NUP93: variants seen among roughly 807,000 people sequenced by gnomAD.
NUP93 encodes the protein nuclear pore complex protein Nup93.
Under a neutral mutation model 107.8 loss-of-function variants are expected in NUP93, and 55 were observed. The observed-to-expected ratio is 0.51, with a 90% CI of 0.41 to 0.64. The LOEUF (loss-of-function observed/expected upper bound fraction) is 0.64, where lower values mean the gene tolerates loss of function less well. NUP93 is among the 30% of genes least tolerant of loss of function. The pLI is 0.00. For synonymous variants in NUP93, 390 were observed against 397.5 expected (o/e 0.98, Z 0.22); for missense variants, 937 against 1,044.7 (o/e 0.90, Z 1.42).
chr16:56,792,335 G>GA (rs75472200), intron 3 of NUP93, among the ~76,000 whole-genome samples: 3,404 of 152,292 alleles, frequency 0.022, 70 homozygotes, highest in East Asian at 0.076. Flanking sequence ...GTATGGGGGG[G>GA]AGGAATAAAT....
chr16:56,813,469 C>G (rs573407139), intron 5 of NUP93, among the ~76,000 whole-genome samples: 1 of 152,312 alleles, frequency 6.6e-6, no homozygotes, highest in South Asian at 2.1e-4. Flanking sequence ...ACCCAGTTCA[C>G]CTGTTAGGGG....
At chr16:56,807,488 GT>G (rs1321793336) in intron 5 of NUP93, among the ~76,000 whole-genome samples, 1 of 152,138 alleles carries the variant, frequency 6.6e-6, no homozygotes, top group South Asian at 2.1e-4. Context: ...AAGGATCTTT[GT>G]TTTGTTTATT....
intron 5 of NUP93, among the ~76,000 whole-genome samples, chr16:56,806,440 C>T (rs763986318): frequency 1.6e-4 from 25 of 152,024 alleles, no homozygotes; most frequent in Admixed American, 1.3e-3. Context: ...ACAGATTACT[C>T]CAAACCTTGT....
In NUP93 at chr16:56,831,976, C is replaced by T. The variant is rs755863852; in HGVS notation, c.1220C>T (p.Ala407Val). The change falls in exon 11 of 22, where the codon GCG (alanine) becomes GTG (valine). Residue 407 changes from alanine (A) to valine (V), a missense_variant. Ala to Val is a moderately conservative substitution (Grantham distance 64). Transcript: ENST00000308159. ...CDVTDNQSEV[A>V]DKTEDYLWLK... ...GTCACCGACAACCAGAGTGAAGTGG[C>T]GGACAAAACTGAGGATTACCTGTGG... 21 of 1,613,964 alleles carry T rather than the reference C, an allele frequency of 1.3e-5. No individual in the cohort carries two copies. Among genetic ancestry groups the T allele is most frequent in the Admixed American group, 6.7e-5 (4 of 60,002 alleles).
chr16:56,796,392 G>T (rs1306449609), intron 3 of NUP93, among the ~76,000 whole-genome samples: 2 of 152,190 alleles, frequency 1.3e-5, no homozygotes, highest in Non-Finnish European at 2.9e-5. Flanking sequence ...ACCATATGCA[G>T]CTTGGTGTAG....
At position 56,834,153 on chromosome 16, in the gene NUP93, T is replaced by A. The variant is rs367932958; in HGVS notation, c.1563T>A (p.Pro521=). Residue 521 remains proline, a synonymous_variant, in exon 14 of 22, where the codon CCT becomes CCA. Transcript: ENST00000308159. ...TCAGCCACGAGCCTGGTGACCCTCC[T>A]TGCTTGCGGCGGCTGAACTTCGTGC... ...QLLSHEPGDP[P]CLRRLNFVRL... is the part of the protein sequence containing the mutation. 1.4e-5 allele frequency: 22 copies of A among 1,614,034 alleles called. No individual in the cohort carries two copies. The highest frequency in any genetic ancestry group is 1.8e-5 in the Non-Finnish European group (21 of 1,180,034).
In NUP93 at chr16:56,792,832, AT is replaced by A. The variant is rs201940657; in HGVS notation, c.298-5635del. 2.0e-4 allele frequency among the ~76,000 whole-genome samples: 31 copies of A among 152,078 alleles called. No homozygotes were observed. The East Asian group carries it at 5.0e-3, about 25-fold the overall frequency. ...GGGTTCCATCCTTTTAGAGAGAGAA[AT>A]TTTTTTTTATTTTTGCTGTTTAGAG... On this transcript the variant is annotated intron_variant, in intron 3 of 21. Coordinates refer to ENST00000308159, the MANE Select transcript of NUP93 (RefSeq NM_014669.5).
chr16:56,834,330 A>T, intron 14 of NUP93, 40 bp from the exon 15 acceptor site: 2 of 1,614,062 alleles, frequency 1.2e-6, no homozygotes, highest in Non-Finnish European at 1.7e-6. Flanking sequence ...TAGAGACCTC[A>T]TGTCCAGACT....
In NUP93 at chr16:56,808,153, T is replaced by TATATTTATATAACTATATAA. The variant is rs1567398272; in HGVS notation, c.489+2522_489+2523insTATTTATATAACTATATAAA. 5.6e-3 allele frequency among the ~76,000 whole-genome samples: 361 copies of TATATTTATATAACTATATAA among 64,074 alleles called. 27 individuals are homozygous for TATATTTATATAACTATATAA. Among genetic ancestry groups the TATATTTATATAACTATATAA allele is most frequent in the African/African-American group, 0.021 (340 of 16,268 alleles). 42.0% of individuals were successfully genotyped at this position (64,074 alleles called of 152,430 possible). On this transcript the variant is annotated intron_variant, in intron 5 of 21. Transcript: ENST00000308159. ...ATAAATATATTTATATAACTATATA[T>TATATTTATATAACTATATAA]AATATATAGTTATATAACTATATAA... is the stretch of plus-strand genomic sequence containing the variant.
At chr16:56,736,930 C>T (rs1169871871) in intron 1 of NUP93, among the ~76,000 whole-genome samples, 1 of 152,212 alleles carries the variant, frequency 6.6e-6, no homozygotes, top group African/African-American at 2.4e-5. Flanking sequence ...AGAAAAGTCT[C>T]CCAACTCTCA....
chr16:56,803,605 A>G (rs1403198917), intron 4 of NUP93, among the ~76,000 whole-genome samples: 1 of 152,120 alleles, frequency 6.6e-6, no homozygotes, highest in African/African-American at 2.4e-5. Context: ...ATCTAATTTC[A>G]GAGCTTTTAT....
intron 8 of NUP93, among the ~76,000 whole-genome samples, chr16:56,825,912 C>G (rs920644212): frequency 3.3e-5 from 5 of 152,152 alleles, no homozygotes; most frequent in Non-Finnish European, 5.9e-5. Flanking sequence ...GATTCACTGA[C>G]AGTATGCATA....
chr16:56,837,468 C>A, intron 17 of NUP93, 140 bp from the exon 18 acceptor site: 1 of 626,746 alleles, frequency 1.6e-6, no homozygotes, highest in Non-Finnish European at 2.8e-6. Flanking sequence ...GAGGCTGAGG[C>A]ACGAGAATTG....
At chr16:56,812,472 T>A (rs1049504062) in intron 5 of NUP93, among the ~76,000 whole-genome samples, 2 of 151,862 alleles carry the variant, frequency 1.3e-5, no homozygotes, top group Non-Finnish European at 2.9e-5. Context: ...GCCTCCCGAA[T>A]AGCTGGGACT....
At chr16:56,785,357 T>A (rs1962603034) in intron 3 of NUP93, among the ~76,000 whole-genome samples, 1 of 152,100 alleles carries the variant, frequency 6.6e-6, no homozygotes. Flanking sequence ...TTCTTCCTGC[T>A]TTCTTTGCCT....
chr16:56,749,061 A>C (rs750910245), intron 2 of NUP93, among the ~76,000 whole-genome samples: 35 of 152,338 alleles, frequency 2.3e-4, no homozygotes, highest in South Asian at 6.2e-4. Flanking sequence ...GCTGCCACAC[A>C]GCATCAGTTG....
Position 56,776,397 on chromosome 16 carries a change from T to G in NUP93, c.297+17742T>G, listed in dbSNP as rs755502190. ...GCAAAAACTATATAAAAATTAAGGT[T>G]TTAGTGTCTTTTCTTTAACATAATA... On this transcript the variant is annotated intron_variant, in intron 3 of 21. Coordinates refer to ENST00000308159, the MANE Select transcript of NUP93 (RefSeq NM_014669.5). Among the ~76,000 whole-genome samples the G allele has an allele frequency of 2.6e-5, 4 of 152,198 alleles. No homozygotes were observed. The South Asian group carries it at 8.3e-4, about 31-fold the overall frequency.
intron 3 of NUP93, among the ~76,000 whole-genome samples, chr16:56,792,841 T>C (rs1048097810): frequency 3.9e-5 from 6 of 152,200 alleles, no homozygotes; most frequent in Non-Finnish European, 8.8e-5. Context: ...AATTTTTTTT[T>C]ATTTTTGCTG....
chr16:56,820,789 A>G (rs1963527105), intron 6 of NUP93, among the ~76,000 whole-genome samples: 1 of 152,190 alleles, frequency 6.6e-6, no homozygotes, highest in South Asian at 2.1e-4. Flanking sequence ...TTTAGAGCTT[A>G]ACTAGTTAAG....
Sources: gnomAD v4.1 joint callset for allele counts (sites outside exome capture counted in the v4.1 genomes callset) on GRCh38, gnomAD v4.1.1 for gene constraint, MANE v1.5 for transcripts, NCBI Gene and HGNC (gene_info 2026-07-23, HGNC 2026-07-21) for gene names.